The following MAN2A1 variants were observed in gnomAD, a reference collection of about 807,000 sequenced individuals.
MAN2A1 encodes alpha-mannosidase 2.
A neutral mutation model predicts 142.6 loss-of-function variants in MAN2A1; 76 were observed. The observed-to-expected ratio is 0.53, with a 90% CI of 0.44 to 0.65. MAN2A1 has a LOEUF of 0.65. MAN2A1 is among the 30% of genes least tolerant of loss of function. MAN2A1 has a pLI of 0.00. For synonymous variants in MAN2A1, 559 were observed against 473.2 expected, an observed-to-expected ratio of 1.18 and a Z score of -2.35; for missense variants, 1,311 against 1,365.1, an observed-to-expected ratio of 0.96 and a Z score of 0.62.
intron 3 of MAN2A1, among the ~76,000 whole-genome samples, chr5:109,723,706 TC>T (rs1751667525): frequency 2.0e-5 from 3 of 152,184 alleles, no homozygotes; most frequent in Admixed American, 2.0e-4. Context: ...ATAATCTGTC[TC>T]CCACTTCTAT....
rs1755920650 is a variant in MAN2A1 at position 109,867,671 on chromosome 5, G to A, written c.*673G>A. On this transcript the variant is annotated 3_prime_UTR_variant, in exon 22 of 22. Coordinates refer to ENST00000261483, the MANE Select transcript of MAN2A1 (RefSeq NM_002372.4). ...GCATATTTTCATTACTTGACAATGTGGGATGGGTGCAATTTATTCCATCTT... is the reference window on the plus strand; with the variant it reads ...GCATATTTTCATTACTTGACAATGTAGGATGGGTGCAATTTATTCCATCTT... The A allele has an allele frequency of 6.6e-6, 1 of 152,484 alleles. No individual in the cohort carries two copies. Among genetic ancestry groups the A allele is most frequent in the Admixed American group, 6.6e-5 (1 of 15,266 alleles). 9.4% of individuals were successfully genotyped at this position (152,484 alleles called of 1,614,324 possible). A position where few individuals can be genotyped will look rare whatever the true frequency, so the allele number is the denominator to read the frequency against.
chr5:109,716,410 CATT>C, intron 3 of MAN2A1, 146 bp downstream of exon 3: 1 of 604,114 alleles, frequency 1.7e-6, no homozygotes, highest in Non-Finnish European at 2.8e-6. Flanking sequence ...TTTTATGTGT[CATT>C]ATGTTTTAGT....
At chr5:109,831,829 GTGTATT>G in intron 16 of MAN2A1, among the ~76,000 whole-genome samples, 1 of 152,002 alleles carries the variant, frequency 6.6e-6, no homozygotes, top group East Asian at 1.9e-4. Flanking sequence ...GTGTGTGTGT[GTGTATT>G]TATGTATACA....
rs538789226 is a variant in MAN2A1 at position 109,842,693 on chromosome 5, G to GT, written c.2700+233dup. On this transcript the variant is annotated intron_variant, in intron 17 of 21. Coordinates refer to ENST00000261483, the MANE Select transcript of MAN2A1 (RefSeq NM_002372.4). ...TTGTAAGGATTTATTTGTTCAAAGG[G>GT]TAAATTTGGTGACCACTATGAATGT... 1.4e-4 allele frequency among the ~76,000 whole-genome samples: 21 copies of GT among 151,878 alleles called. No homozygotes were observed. In the South Asian group the frequency reaches 3.7e-3, roughly 27 times the overall value.
intron 20 of MAN2A1, among the ~76,000 whole-genome samples, chr5:109,858,271 T>G (rs1363072983): frequency 1.3e-5 from 2 of 152,190 alleles, no homozygotes; most frequent in Non-Finnish European, 2.9e-5. Flanking sequence ...AACAGTTGTT[T>G]AAAAGCCCAC....
Position 109,716,253 on chromosome 5 carries a change from A to G in MAN2A1, c.524A>G (p.His175Arg), listed in dbSNP as rs2112565827. The G allele has an allele frequency of 6.2e-7, 1 of 1,600,642 alleles. No homozygotes were observed. Among genetic ancestry groups the G allele is most frequent in the Non-Finnish European group, 8.5e-7 (1 of 1,174,038 alleles). ...CAAGTCTTTGTGGTGCCTCATTCCC[A>G]TAACGACCCAGGTAAAATTTGCACT... ...PLQVFVVPHS[H>R]NDPGWLKTFN... The change falls in exon 3 of 22, where the codon CAT becomes CGT. Residue 175 changes from histidine (H) to arginine (R), a missense_variant. His to Arg is a conservative substitution (Grantham distance 29). Transcript: ENST00000261483.
chr5:109,722,565 C>T (rs920158459), intron 3 of MAN2A1, among the ~76,000 whole-genome samples: 3 of 152,136 alleles, frequency 2.0e-5, no homozygotes, highest in Admixed American at 2.0e-4. Context: ...CAGGCACACG[C>T]CACAGTGCCT....
intron 7 of MAN2A1, among the ~76,000 whole-genome samples, chr5:109,774,028 CA>C (rs1449661961): frequency 6.6e-6 from 1 of 151,976 alleles, no homozygotes; most frequent in Admixed American, 6.6e-5. Flanking sequence ...CAGTGATTTC[CA>C]AAGGACATTC....
At chr5:109,765,041 C>T (rs551122867) in intron 5 of MAN2A1, among the ~76,000 whole-genome samples, 99 of 152,114 alleles carry the variant, frequency 6.5e-4, no homozygotes, top group African/African-American at 2.1e-3. Context: ...CACTTTTATA[C>T]GTAAATATAA....
chr5:109,748,708 C>T (rs781386957), intron 4 of MAN2A1, among the ~76,000 whole-genome samples: 1 of 151,770 alleles, frequency 6.6e-6, no homozygotes. Context: ...GAAAACATTC[C>T]AGGCAGATAG....
At chr5:109,720,278 CT>C (rs1238675532) in intron 3 of MAN2A1, among the ~76,000 whole-genome samples, 3 of 152,120 alleles carry the variant, frequency 2.0e-5, no homozygotes, top group African/African-American at 7.2e-5. Context: ...GTAGGAAGAC[CT>C]AGGCCCAAGA....
intron 7 of MAN2A1, among the ~76,000 whole-genome samples, chr5:109,773,520 C>T (rs1753205024): frequency 1.3e-5 from 2 of 151,480 alleles, no homozygotes; most frequent in Admixed American, 6.6e-5. Context: ...TGTTTTTTAT[C>T]GTAAGTAACC....
chr5:109,790,990 G>A (rs1753723758), intron 12 of MAN2A1, among the ~76,000 whole-genome samples: 1 of 151,992 alleles, frequency 6.6e-6, no homozygotes, highest in African/African-American at 2.4e-5. Flanking sequence ...GAAGAAGAAA[G>A]TTAGGAAATG....
At chr5:109,864,136 G>A (rs1755822479) in intron 20 of MAN2A1, 1 of 152,164 alleles carries the variant, frequency 6.6e-6, no homozygotes, top group African/African-American at 2.4e-5. Flanking sequence ...AGAGAACAGA[G>A]GAAAGAATCA....
chr5:109,855,042 T>C (rs1304622029), intron 19 of MAN2A1, 98 bp from the exon 20 acceptor site: 1 of 552,702 alleles, frequency 1.8e-6, no homozygotes, highest in African/African-American at 2.0e-5. Flanking sequence ...AACCAAATTA[T>C]TCATATATTT....
At chr5:109,851,620 A>G (rs1280471144) in intron 19 of MAN2A1, among the ~76,000 whole-genome samples, 2 of 152,154 alleles carry the variant, frequency 1.3e-5, no homozygotes, top group Non-Finnish European at 2.9e-5. Flanking sequence ...TGAGCTGAAT[A>G]AACTTCTTTT....
rs776747378 is a variant in MAN2A1 at position 109,773,009 on chromosome 5, G to T, written c.1197-1779G>T. On this transcript the variant is annotated intron_variant, in intron 7 of 21. Coordinates refer to ENST00000261483, the MANE Select transcript of MAN2A1 (RefSeq NM_002372.4). ...GACCGTCACGTGATTTGATGTTTCG[G>T]GGATTTTATTTTTCTTGGTTACAGT... 4.1e-4 allele frequency among the ~76,000 whole-genome samples: 63 copies of T among 151,978 alleles called. 1 individual carries two copies. Among genetic ancestry groups the T allele is most frequent in the Non-Finnish European group, 8.2e-4 (56 of 67,988 alleles).
At chr5:109,690,689 C>G (rs1438161798) in intron 1 of MAN2A1, 137 bp downstream of exon 1, 4 of 988,826 alleles carry the variant, frequency 4.0e-6, no homozygotes, top group African/African-American at 1.6e-5. Context: ...CTGTAGCTCT[C>G]GGACGGCAAT....
chr5:109,816,439 T>A (rs1011265881), intron 12 of MAN2A1, among the ~76,000 whole-genome samples: 1 of 150,488 alleles, frequency 6.6e-6, no homozygotes, highest in Non-Finnish European at 1.5e-5. Context: ...TCCCAATCAA[T>A]TTTTTTTTTC....
Sources: gnomAD v4.1 joint callset for allele counts (sites outside exome capture counted in the v4.1 genomes callset) on GRCh38, gnomAD v4.1.1 for gene constraint, MANE v1.5 for transcripts, NCBI Gene and HGNC (gene_info 2026-07-23, HGNC 2026-07-21) for gene names.